The following STRIP1 variants were observed in gnomAD, a reference collection of about 807,000 sequenced individuals.
STRIP1 encodes the protein striatin-interacting protein 1.
Under a neutral mutation model 106.2 loss-of-function variants are expected in STRIP1, and 63 were observed. That is an observed-to-expected ratio of 0.59 (90% confidence interval 0.48 to 0.73). The LOEUF (loss-of-function observed/expected upper bound fraction) is 0.73, where lower values mean the gene tolerates loss of function less well. Among genes scored for constraint, STRIP1 ranks in the 30% least tolerant of loss-of-function variants. The pLI is 0.00. For missense variants in STRIP1, 857 were observed against 1,074.8 expected, an observed-to-expected ratio of 0.80 and a Z score of 2.83; for synonymous variants, 390 against 413.0, an observed-to-expected ratio of 0.94 and a Z score of 0.67.
At chr1:110,053,605 T>A in intron 20 of STRIP1, 60 bp from the exon 21 acceptor site, 1 of 1,593,540 alleles carries the variant, frequency 6.3e-7, no homozygotes, top group Non-Finnish European at 8.6e-7. Context: ...GGCCAGTGAA[T>A]CCATGGGGAG....
chr1:110,048,960 G>A, intron 15 of STRIP1, 152 bp from the exon 16 acceptor site: 1 of 773,354 alleles, frequency 1.3e-6, no homozygotes, highest in Admixed American at 2.6e-5. Context: ...GGTGGATGGG[G>A]GAGCCCTCGG....
chr1:110,051,531 C>T (rs1374223639), intron 19 of STRIP1, 152 bp from the exon 20 acceptor site: 5 of 735,998 alleles, frequency 6.8e-6, no homozygotes, highest in Non-Finnish European at 1.1e-5. Flanking sequence ...CATTTAAAGT[C>T]CTATGTATCA....
chr1:110,052,301 G>A (rs1179706967), intron 20 of STRIP1, among the ~76,000 whole-genome samples: 1 of 152,004 alleles, frequency 6.6e-6, no homozygotes, highest in Non-Finnish European at 1.5e-5. Context: ...ATAGGGTCTC[G>A]CTCTGTTGCC....
chr1:110,044,722 T>C (rs1160247713), intron 10 of STRIP1, 118 bp from the exon 11 acceptor site: 3 of 917,392 alleles, frequency 3.3e-6, no homozygotes, highest in Non-Finnish European at 5.0e-6. Flanking sequence ...AAAACAATTA[T>C]AGGAGACTTC....
At chr1:110,038,084 A>ATATATATATATATATATATATATGTG (rs1652555193) in intron 2 of STRIP1, 124 bp downstream of exon 2, 1 of 137,512 alleles carries the variant, frequency 7.3e-6, no homozygotes, top group Non-Finnish European at 1.5e-5. Context: ...ATATATATAT[A>ATATATATATATATATATATATATGTG]TATATATATA....
Position 110,039,218 on chromosome 1 carries a change from CCATGCCATGAGGCT to C in STRIP1, c.374_387del (p.His125ProfsTer83), listed in dbSNP as rs753444076. The C allele has an allele frequency of 1.2e-6, 2 of 1,614,156 alleles. No homozygotes were observed. On this transcript the variant is annotated frameshift_variant, in exon 4 of 21. Transcript: ENST00000369795. LOFTEE classifies it high-confidence loss of function. ...AGCTGGATACCAACCAGCACCGGAC[CCATGCCATGAGGCT>C]CCTGGATGGCTTGGAAGTCACTGCC...
rs901428628 is a variant in STRIP1, at chr1:110,043,335, G to C, written c.1068+65G>C. Reference sequence around the variant, plus strand: ...CAAGGTGCATGCTTGCAGCAGCACAGTCCTTGGAGGAGCAGGGCTGCTGGA... The same window carrying C: ...CAAGGTGCATGCTTGCAGCAGCACACTCCTTGGAGGAGCAGGGCTGCTGGA... On this transcript the variant is annotated intron_variant, in intron 9 of 20. Transcript: ENST00000369795. 2.0e-6 allele frequency: 3 copies of C among 1,490,602 alleles called. No homozygotes were observed. In the African/African-American group the frequency reaches 4.2e-5, roughly 21 times the overall value. 92.3% of individuals were successfully genotyped at this position (1,490,602 alleles called of 1,614,324 possible). A position where few individuals can be genotyped will look rare whatever the true frequency, so the allele number is the denominator to read the frequency against.
rs201975986 is a variant in STRIP1, at chr1:110,041,851, A to G, written c.875A>G (p.Lys292Arg). 1.9e-6 allele frequency: 3 copies of G among 1,614,196 alleles called. No homozygotes were observed. The highest frequency in any genetic ancestry group is 3.3e-5 in the Admixed American group (2 of 60,024). ...PMKKVLLLLW[K>R]TVLCTLGGFE... The stretch of plus-strand genomic sequence containing the variant: ...AAGAAAGTTCTCTTGCTGCTCTGGA[A>G]GACAGTATTGGTGAGCACCTCCTTG... Residue 292 changes from lysine to arginine, a missense_variant, in exon 8 of 21, where the codon AAG (lysine) becomes AGG (arginine). Physicochemically the swap from Lys to Arg is conservative, Grantham distance 26. This residue lies in a region of STRIP1 where 750 missense variants were observed against 989.8 expected (regional missense o/e 0.76). Coordinates refer to ENST00000369795, the MANE Select transcript of STRIP1 (RefSeq NM_033088.4).
chr1:110,050,387 C>T lies in STRIP1; in HGVS notation c.1934C>T (p.Pro645Leu), dbSNP rs1348711077. The change falls in exon 18 of 21, where the codon CCA becomes CTA. Residue 645 changes from proline (P) to leucine (L), a missense_variant. By Grantham distance (98) the Pro-to-Leu change is moderately conservative. Coordinates refer to ENST00000369795, the MANE Select transcript of STRIP1 (RefSeq NM_033088.4). Reference protein sequence around the residue: ...DYPHCVVHELPELTAESLEAG... With the variant: ...DYPHCVVHELLELTAESLEAG... ...CCTCACTGCGTGGTGCATGAGCTGC[C>T]AGAGCTGACGGCGGAGAGTTTGGTG... is the stretch of plus-strand genomic sequence containing the variant. The T allele has an allele frequency of 1.2e-6, 2 of 1,614,176 alleles. No individual in the cohort carries two copies. Among genetic ancestry groups the T allele is most frequent in the African/African-American group, 1.3e-5 (1 of 75,048 alleles).
intron 13 of STRIP1, 114 bp from the exon 14 acceptor site, chr1:110,047,425 CATT>C (rs1046111572): frequency 1.7e-4 from 128 of 747,734 alleles, no homozygotes; most frequent in Non-Finnish European, 2.8e-4. Flanking sequence ...CTGTTATCAT[CATT>C]AACATCATTA....
rs113710728 is a variant in STRIP1, at chr1:110,039,205, A to C, written c.359A>C (p.Asn120Thr). ...TDKKWTELDT[N>T]QHRTHAMRLL... ...AAGAAGTGGACTGAGCTGGATACCA[A>C]CCAGCACCGGACCCATGCCATGAGG... Residue 120 changes from asparagine (N) to threonine (T), a missense_variant, in exon 4 of 21, where the codon AAC (asparagine) becomes ACC (threonine). Physicochemically the swap from Asn to Thr is moderately conservative, Grantham distance 65 (BLOSUM62 0). Around this residue, in one of 2 missense-constraint regions of STRIP1, gnomAD observed 750 missense variants for 989.8 expected, o/e 0.76. Coordinates refer to ENST00000369795, the MANE Select transcript of STRIP1 (RefSeq NM_033088.4). 6.2e-7 allele frequency: 1 copy of C among 1,614,030 alleles called. No homozygotes were observed. Among genetic ancestry groups the C allele is most frequent in the Admixed American group, 1.7e-5 (1 of 59,996 alleles).
chr1:110,051,048 T>C lies in STRIP1; in HGVS notation c.2049T>C (p.His683=), dbSNP rs1653277044. Residue 683 remains histidine, a synonymous_variant, in exon 19 of 21, where the codon CAT becomes CAC. Coordinates refer to ENST00000369795, the MANE Select transcript of STRIP1 (RefSeq NM_033088.4). ...RILNKLTKWK[H]SRTMMLVVFK... ...TGAACAAGCTGACAAAGTGGAAGCA[T>C]TCAAGGACAATGGTAAGTGAGTCAG... 6.2e-7 allele frequency: 1 copy of C among 1,607,184 alleles called. No homozygotes were observed. Among genetic ancestry groups the C allele is most frequent in the Admixed American group, 1.7e-5 (1 of 59,988 alleles).
rs753939511 is a variant in STRIP1 at position 110,053,814 on chromosome 1, C to T, written c.2416C>T (p.Arg806Trp). 14 of 1,614,008 alleles carry T rather than the reference C, an allele frequency of 8.7e-6. No homozygotes were observed. Among genetic ancestry groups the T allele is most frequent in the Middle Eastern group, 1.6e-4 (1 of 6,084 alleles). Residue 806 changes from arginine to tryptophan, a missense_variant, in exon 21 of 21, where the codon CGG (arginine) becomes TGG (tryptophan). By Grantham distance (101) the Arg-to-Trp change is moderately radical. Around this residue, in one of 2 missense-constraint regions of STRIP1, gnomAD observed 750 missense variants for 989.8 expected, o/e 0.76. Coordinates refer to ENST00000369795, the MANE Select transcript of STRIP1 (RefSeq NM_033088.4). ...CTGCCTGCAGAGTGTCCTGGGCCAA[C>T]GGGTGGACCTCCCTGAGGACTTTCA... ...DNCLQSVLGQ[R>W]VDLPEDFQMN...
intron 9 of STRIP1, 136 bp downstream of exon 9, chr1:110,043,406 AT>A: frequency 5.9e-6 from 6 of 1,016,770 alleles, no homozygotes; most frequent in Non-Finnish European, 8.7e-6. Flanking sequence ...CACAGCGAGG[AT>A]ACTTTGTCCC....
chr1:110,050,906 T>C lies in STRIP1; in HGVS notation c.1957-50T>C, dbSNP rs576186243. Reference sequence around the variant, plus strand: ...TGTGTGAGGGACTTTTGGAAACTGCTGCACACACTGCAGCCATGAGGGCTG... The same window carrying C: ...TGTGTGAGGGACTTTTGGAAACTGCCGCACACACTGCAGCCATGAGGGCTG... On this transcript the variant is annotated intron_variant, in intron 18 of 20. Transcript: ENST00000369795. The C allele has an allele frequency of 2.0e-4, 218 of 1,078,290 alleles. No individual in the cohort carries two copies. The East Asian group carries it at 4.7e-3, about 23-fold the overall frequency. The allele number at this position is 1,078,290 out of a possible 1,614,324, so 66.8% of individuals were successfully genotyped here.
upstream of STRIP1, among the ~76,000 whole-genome samples, chr1:110,032,430 A>G (rs1251101676): frequency 6.6e-6 from 1 of 152,216 alleles, no homozygotes; most frequent in Non-Finnish European, 1.5e-5. Flanking sequence ...AGCAGGCAAT[A>G]TGTAAAGCTG....
At position 110,054,256 on chromosome 1, in the gene STRIP1, G is replaced by T; in HGVS notation, c.*344G>T. On this transcript the variant is annotated 3_prime_UTR_variant, in exon 21 of 21. Transcript: ENST00000369795. ...CCCTCCGCCGTGCATCTGAATTTCA[G>T]GGGTCATGCTGATGCCTCTCGAGAC... 1 of 269,622 alleles carries T rather than the reference G, an allele frequency of 3.7e-6. No individual in the cohort carries two copies. The allele number at this position is 269,622 out of a possible 1,614,324, so 16.7% of individuals were successfully genotyped here. A position where few individuals can be genotyped will look rare whatever the true frequency, so the allele number is the denominator to read the frequency against.
chr1:110,047,914 T>C (rs1422247901), intron 15 of STRIP1, 45 bp downstream of exon 15: 2 of 1,463,122 alleles, frequency 1.4e-6, no homozygotes, highest in South Asian at 1.2e-5. Flanking sequence ...AGAAGATAGA[T>C]GGAGAAGGGC....
rs187303391 is a variant in STRIP1 at position 110,047,672 on chromosome 1, G to T, written c.1563+56G>T. 1.7e-3 allele frequency: 2,594 copies of T among 1,563,770 alleles called. 4 individuals carry two copies. Among genetic ancestry groups the T allele is most frequent in the Non-Finnish European group, 2.1e-3 (2,380 of 1,147,330 alleles). ...CTACACTGGCCTTAGAGCAGGCCCT[G>T]CCGTCCTCCTGCCACCTGCAGACCA... On this transcript the variant is annotated intron_variant, in intron 14 of 20. Transcript: ENST00000369795.
Sources: gnomAD v4.1 joint callset for allele counts (sites outside exome capture counted in the v4.1 genomes callset) on GRCh38, gnomAD v4.1.1 for gene constraint, gnomAD v4.1.1 regional missense constraint, MANE v1.5 for transcripts, NCBI Gene and HGNC (gene_info 2026-07-23, HGNC 2026-07-21) for gene names.